The following NLGN1 variants were observed in gnomAD, a reference collection of about 807,000 sequenced individuals.
The protein encoded by NLGN1 is neuroligin-1.
A neutral mutation model predicts 65.5 loss-of-function variants in NLGN1; 12 were observed. That is an observed-to-expected ratio of 0.18 (90% CI 0.12 to 0.30). NLGN1 has a LOEUF of 0.30. NLGN1 is among the 10% of genes least tolerant of loss of function. The pLI is 1.00. For synonymous variants in NLGN1, 350 were observed against 359.5 expected, an observed-to-expected ratio of 0.97 and a Z score of 0.30; for missense variants, 750 against 1,007.1, an observed-to-expected ratio of 0.74 and a Z score of 3.46.
At chr3:173,997,822 C>T (rs1388246391) in intron 4 of NLGN1, among the ~76,000 whole-genome samples, 1 of 152,096 alleles carries the variant, frequency 6.6e-6, no homozygotes, top group Non-Finnish European at 1.5e-5. Context: ...GCTTTTACAC[C>T]TTACTGAAGT....
Position 173,499,895 on chromosome 3 carries a change from G to A in NLGN1, c.-321+64817G>A, listed in dbSNP as rs546221263. On this transcript the variant is annotated intron_variant, in intron 2 of 6. Coordinates refer to ENST00000457714, the Ensembl canonical transcript of NLGN1. ...GTATAAGAATACTTGTGATTTTTGG[G>A]CATTGATTTTGTATCCTGAGACTTT... Among the ~76,000 whole-genome samples, 111 of 151,572 alleles carry A rather than the reference G, an allele frequency of 7.3e-4. 4 individuals are homozygous for A. The highest frequency in any genetic ancestry group is 2.4e-3 in the African/African-American group (99 of 40,934).
chr3:173,564,118 C>T (rs1743243379), intron 2 of NLGN1, among the ~76,000 whole-genome samples: 1 of 152,210 alleles, frequency 6.6e-6, no homozygotes, highest in African/African-American at 2.4e-5. Flanking sequence ...GTGAACATAC[C>T]AGTTGCAGTC....
At chr3:173,724,032 G>A (rs967579166) in intron 3 of NLGN1, among the ~76,000 whole-genome samples, 21 of 152,158 alleles carry the variant, frequency 1.4e-4, no homozygotes, top group Admixed American at 9.2e-4. Context: ...GGAAGACTGC[G>A]CACAGATGGG....
intron 3 of NLGN1, among the ~76,000 whole-genome samples, chr3:173,732,371 T>A (rs891906559): frequency 3.9e-5 from 6 of 152,170 alleles, no homozygotes; most frequent in Admixed American, 1.3e-4. Flanking sequence ...ACTGTGATGC[T>A]TTAGCCATGA....
At chr3:173,468,953 A>C (rs1329624435) in intron 2 of NLGN1, among the ~76,000 whole-genome samples, 2 of 152,150 alleles carry the variant, frequency 1.3e-5, no homozygotes, top group Admixed American at 1.3e-4. Context: ...AGGGTATTGC[A>C]GGATGAGCTG....
At chr3:174,104,197 T>C (rs924816818) in intron 4 of NLGN1, among the ~76,000 whole-genome samples, 3 of 152,168 alleles carry the variant, frequency 2.0e-5, no homozygotes, top group Non-Finnish European at 4.4e-5. Context: ...TGTCTCTCTA[T>C]CCATGTCCTA....
At chr3:173,898,903 C>A (rs1579065181) in intron 4 of NLGN1, among the ~76,000 whole-genome samples, 1 of 152,090 alleles carries the variant, frequency 6.6e-6, no homozygotes, top group East Asian at 1.9e-4. Context: ...GTTTTGCGGA[C>A]CATTCAGATA....
intron 4 of NLGN1, among the ~76,000 whole-genome samples, chr3:173,837,152 C>T (rs1184041325): frequency 3.3e-5 from 5 of 151,988 alleles, no homozygotes; most frequent in Non-Finnish European, 7.4e-5. Flanking sequence ...TTTCCCCAAA[C>T]TAAACATAAA....
At chr3:173,559,474 C>T (rs1466919057) in intron 2 of NLGN1, among the ~76,000 whole-genome samples, 1 of 152,170 alleles carries the variant, frequency 6.6e-6, no homozygotes, top group South Asian at 2.1e-4. Context: ...AATGCTTGCC[C>T]TTGTCTGGAC....
At chr3:174,065,661 C>T (rs1006876577) in intron 4 of NLGN1, among the ~76,000 whole-genome samples, 4 of 151,744 alleles carry the variant, frequency 2.6e-5, no homozygotes, top group Non-Finnish European at 5.9e-5. Flanking sequence ...TTACTTGCTT[C>T]TAGTGAATAG....
At chr3:174,166,764 A>G (rs114484967) in intron 4 of NLGN1, among the ~76,000 whole-genome samples, 2 of 152,010 alleles carry the variant, frequency 1.3e-5, no homozygotes, top group Admixed American at 1.3e-4. Flanking sequence ...TAGTCTTTCT[A>G]ATGCTGTCAG....
intron 4 of NLGN1, among the ~76,000 whole-genome samples, chr3:173,997,278 C>T (rs1324433131): frequency 6.6e-6 from 1 of 151,888 alleles, no homozygotes; most frequent in Non-Finnish European, 1.5e-5. Context: ...GAACAATGTT[C>T]CCACCACACC....
chr3:173,427,707 G>C (rs987705772), intron 1 of NLGN1, among the ~76,000 whole-genome samples: 1 of 151,836 alleles, frequency 6.6e-6, no homozygotes, highest in Admixed American at 6.6e-5. Context: ...TTTTGAATTT[G>C]TTCAGACTTG....
chr3:174,086,204 T>C (rs7646359), intron 4 of NLGN1, among the ~76,000 whole-genome samples: 3,263 of 129,100 alleles, frequency 0.025, 124 homozygotes, highest in African/African-American at 0.079. Context: ...TGTGTGTGTG[T>C]GCGTGTGTGT....
intron 4 of NLGN1, among the ~76,000 whole-genome samples, chr3:173,997,979 A>G (rs958162797): frequency 1.3e-5 from 2 of 152,102 alleles, no homozygotes; most frequent in African/African-American, 4.8e-5. Flanking sequence ...TTGTCAGTAC[A>G]CTGGGCAACA....
At position 173,950,709 on chromosome 3, in the gene NLGN1, A is replaced by T. The variant is rs533178178; in HGVS notation, c.646+142877A>T. 4.0e-5 allele frequency among the ~76,000 whole-genome samples: 6 copies of T among 148,378 alleles called. 1 individual carries two copies. Among genetic ancestry groups the T allele is most frequent in the Non-Finnish European group, 7.4e-5 (5 of 67,824 alleles). ...ACACCTATAATCCCAGCTACTCGGG[A>T]GGCTGAAGCAGAATTGCTCCAACCC... On this transcript the variant is annotated intron_variant, in intron 4 of 6. Coordinates refer to ENST00000457714, the Ensembl canonical transcript of NLGN1.
At chr3:173,646,973 T>C (rs1758369498) in intron 3 of NLGN1, among the ~76,000 whole-genome samples, 1 of 152,068 alleles carries the variant, frequency 6.6e-6, no homozygotes, top group Non-Finnish European at 1.5e-5. Context: ...AAAACACAGG[T>C]TAAAAGTAAC....
intron 3 of NLGN1, among the ~76,000 whole-genome samples, chr3:173,704,059 A>T (rs1767658172): frequency 6.6e-6 from 1 of 152,172 alleles, no homozygotes; most frequent in African/African-American, 2.4e-5. Flanking sequence ...ATATTGTGTT[A>T]TTGCCTGCCT....
intron 4 of NLGN1, among the ~76,000 whole-genome samples, chr3:173,946,881 A>G (rs1246433992): frequency 6.6e-6 from 1 of 152,170 alleles, no homozygotes; most frequent in Non-Finnish European, 1.5e-5. Context: ...ACGCAACTTC[A>G]GTAGCATCAT....
Sources: gnomAD v4.1 joint callset for allele counts (sites outside exome capture counted in the v4.1 genomes callset) on GRCh38, gnomAD v4.1.1 for gene constraint, MANE v1.5 for transcripts, NCBI Gene and HGNC (gene_info 2026-07-23, HGNC 2026-07-21) for gene names.